Variants in OR51B5 observed in about 807,000 individuals in gnomAD.
OR51B5 encodes olfactory receptor 51B5.
For synonymous variants in OR51B5, 186 were observed against 144.8 expected (o/e 1.28, Z -2.04); for missense variants, 456 against 374.6 (o/e 1.22, Z -1.79).
At chr11:5,403,277 A>G (rs872164) in intron 1 of OR51B5, 61,495 of 471,392 alleles carry the variant, frequency 0.13, 4,913 homozygotes, top group African/African-American at 0.29. Context: ...TCCACACTGT[A>G]TTGGGTATTG....
At chr11:5,422,802 G>T (rs2133761621) in intron 1 of OR51B5, 1 of 1,614,144 alleles carries the variant, frequency 6.2e-7, no homozygotes, top group East Asian at 2.2e-5. Flanking sequence ...AGCTGGTATG[G>T]ATTTGCTCTT....
intron 1 of OR51B5, among the ~76,000 whole-genome samples, chr11:5,413,681 C>T (rs980048985): frequency 6.6e-6 from 1 of 151,990 alleles, no homozygotes; most frequent in East Asian, 1.9e-4. Flanking sequence ...GAAAGGGTAT[C>T]AGTGATGGAA....
chr11:5,475,535 G>T (rs1160086500), intron 1 of OR51B5, among the ~76,000 whole-genome samples: 2 of 152,036 alleles, frequency 1.3e-5, no homozygotes, highest in Non-Finnish European at 2.9e-5. Context: ...CTGCCTTATG[G>T]ATCCCCCTAA....
At chr11:5,375,860 T>C (rs1308069205) in intron 1 of OR51B5, among the ~76,000 whole-genome samples, 1 of 152,090 alleles carries the variant, frequency 6.6e-6, no homozygotes, top group East Asian at 1.9e-4. Flanking sequence ...ACTTTAATAA[T>C]GGGAGACTTT....
intron 1 of OR51B5, among the ~76,000 whole-genome samples, chr11:5,435,553 C>T (rs1498484): frequency 1.3e-5 from 2 of 151,776 alleles, no homozygotes; most frequent in African/African-American, 2.4e-5. Flanking sequence ...GGTCAAATAC[C>T]TAACAGATGC....
intron 1 of OR51B5, among the ~76,000 whole-genome samples, chr11:5,499,900 C>G (rs546043624): frequency 5.2e-4 from 79 of 152,312 alleles, no homozygotes; most frequent in African/African-American, 1.9e-3. Context: ...CCATCTGTGA[C>G]TAGGACTCCC....
chr11:5,450,619 C>T (rs993652620), intron 1 of OR51B5, among the ~76,000 whole-genome samples: 1 of 152,090 alleles, frequency 6.6e-6, no homozygotes, highest in African/African-American at 2.4e-5. Flanking sequence ...GAGACAGGTA[C>T]TTTTGTGTAA....
chr11:5,433,096 CACAAGTTACCTCTGAGTTAGAAACAA>C (rs1850553979), intron 1 of OR51B5, among the ~76,000 whole-genome samples: 1 of 152,114 alleles, frequency 6.6e-6, no homozygotes, highest in South Asian at 2.1e-4. Flanking sequence ...TATGCTAATA[CACAAGTTACCTCTGAGTTAGAAACAA>C]ACAGAGTTTA....
At chr11:5,353,944 GTT>G (rs1185560083) in intron 1 of OR51B5, among the ~76,000 whole-genome samples, 3 of 118,104 alleles carry the variant, frequency 2.5e-5, no homozygotes, top group Non-Finnish European at 5.7e-5. Context: ...AAAAGATTTT[GTT>G]TGTTTTACTC....
At chr11:5,499,796 T>C (rs1025086758) in intron 1 of OR51B5, among the ~76,000 whole-genome samples, 1 of 152,202 alleles carries the variant, frequency 6.6e-6, no homozygotes, top group Non-Finnish European at 1.5e-5. Context: ...CAGATCCAAG[T>C]ACTAGCTTGT....
In OR51B5 at chr11:5,377,407, G is replaced by T. The variant is rs570981890; in HGVS notation, n.85-30497C>A. Among the ~76,000 whole-genome samples, 4 of 152,272 alleles carry T rather than the reference G, an allele frequency of 2.6e-5. No individual in the cohort carries two copies. In the East Asian group the frequency reaches 7.7e-4, roughly 29 times the overall value. On this transcript the variant is annotated intron_variant and non_coding_transcript_variant, in intron 1 of 4. Transcript: ENST00000415970. ...TCCCTTTGTAAACTGGCACAAGACAGGGATGCCCTCTCTCACTACTCCTAT... is the reference window on the plus strand; with the variant it reads ...TCCCTTTGTAAACTGGCACAAGACATGGATGCCCTCTCTCACTACTCCTAT...
intron 1 of OR51B5, chr11:5,391,454 G>T (rs11037196): frequency 0.92 from 139,520 of 152,284 alleles, 64,504 homozygotes; most frequent in Non-Finnish European, 0.98. Flanking sequence ...GGAGGAATTA[G>T]GCATGTCTTG....
At chr11:5,437,639 A>T (rs1171445290) in intron 1 of OR51B5, among the ~76,000 whole-genome samples, 1 of 152,226 alleles carries the variant, frequency 6.6e-6, no homozygotes, top group Non-Finnish European at 1.5e-5. Context: ...ATAAAAAAGG[A>T]TAGCACCTAA....
chr11:5,478,294 G>C (rs973871987), intron 1 of OR51B5, among the ~76,000 whole-genome samples: 114 of 152,002 alleles, frequency 7.5e-4, no homozygotes, highest in African/African-American at 2.6e-3. Flanking sequence ...ACTTGCAGCT[G>C]AGGGTCCTGT....
At chr11:5,430,557 T>C (rs1451170408) in intron 1 of OR51B5, 1 of 368,406 alleles carries the variant, frequency 2.7e-6, no homozygotes, top group East Asian at 7.3e-5. Context: ...CTTGTTCCTA[T>C]TCCTCCTCAA....
At chr11:5,352,016 A>G (rs755177362) in intron 1 of OR51B5, 17 of 1,613,696 alleles carry the variant, frequency 1.1e-5, no homozygotes, top group Non-Finnish European at 1.7e-6. Context: ...TGTCGATCCC[A>G]TGTACTCTCC....
chr11:5,488,454 A>G (rs1233658380), intron 1 of OR51B5, among the ~76,000 whole-genome samples: 2 of 152,198 alleles, frequency 1.3e-5, no homozygotes, highest in Non-Finnish European at 2.9e-5. Flanking sequence ...AGACTAATAA[A>G]TACTTAGCTT....
intron 1 of OR51B5, among the ~76,000 whole-genome samples, chr11:5,476,433 C>T (rs1405140153): frequency 6.6e-6 from 1 of 152,156 alleles, no homozygotes; most frequent in Non-Finnish European, 1.5e-5. Flanking sequence ...GGGTAAATGC[C>T]TGTTTGTATC....
intron 1 of OR51B5, among the ~76,000 whole-genome samples, chr11:5,450,723 A>C (rs908526915): frequency 1.1e-4 from 17 of 152,152 alleles, no homozygotes; most frequent in Non-Finnish European, 1.5e-4. Flanking sequence ...TTTCCTTTTA[A>C]ACTTACTCTC....
Sources: allele counts gnomAD v4.1 joint callset (sites outside exome capture counted in the v4.1 genomes callset), GRCh38; gene constraint gnomAD v4.1.1; transcripts MANE v1.5; gene names NCBI Gene and HGNC (gene_info 2026-07-23, HGNC 2026-07-21).